Variants in UST observed in about 807,000 individuals in gnomAD.
UST encodes chondroitin sulfate 2-O-sulfotransferase.
A neutral mutation model predicts 45.6 loss-of-function variants in UST; 21 were observed. That is an observed-to-expected ratio of 0.46 (90% CI 0.33 to 0.66). UST has a LOEUF of 0.66. UST is among the 30% of genes least tolerant of loss of function. The pLI is 0.02. For synonymous variants in UST, 215 were observed against 200.6 expected (o/e 1.07, Z -0.61); for missense variants, 463 against 512.4 (o/e 0.90, Z 0.93).
At chr6:148,926,624 T>C (rs1779819185) in intron 2 of UST, among the ~76,000 whole-genome samples, 1 of 152,142 alleles carries the variant, frequency 6.6e-6, no homozygotes, top group South Asian at 2.1e-4. Flanking sequence ...GAGAATAGAA[T>C]GGAAAGTCAA....
rs11407927 is a variant in UST, at chr6:148,841,044, GA to G, written c.248-45929del. On this transcript the variant is annotated intron_variant, in intron 1 of 7. Transcript: ENST00000367463. The stretch of plus-strand genomic sequence containing the variant: ...CCAATGACCAAGAACATTTTGAAAT[GA>G]AAAAAAAAAAAACCCAACAAAAACA... Among the ~76,000 whole-genome samples, 468 of 138,606 alleles carry G rather than the reference GA, an allele frequency of 3.4e-3. 1 individual carries two copies. Among genetic ancestry groups the G allele is most frequent in the Admixed American group, 6.3e-3 (88 of 13,944 alleles). The allele number at this position is 138,606 out of a possible 152,430, so 90.9% of individuals were successfully genotyped here. A position where few individuals can be genotyped will look rare whatever the true frequency, so the allele number is the denominator to read the frequency against.
chr6:149,035,117 G>A (rs1186749732), intron 7 of UST, among the ~76,000 whole-genome samples: 1 of 151,912 alleles, frequency 6.6e-6, no homozygotes, highest in African/African-American at 2.4e-5. Flanking sequence ...CTTTCTATGC[G>A]CTTCGCTGTT....
chr6:148,759,784 C>T (rs932906486), intron 1 of UST, among the ~76,000 whole-genome samples: 1 of 136,084 alleles, frequency 7.3e-6, no homozygotes, highest in East Asian at 2.2e-4. Flanking sequence ...GGAGGTGGAG[C>T]TTGCAGTGAG....
At chr6:148,876,285 G>T (rs1184735422) in intron 1 of UST, among the ~76,000 whole-genome samples, 2 of 152,006 alleles carry the variant, frequency 1.3e-5, no homozygotes, top group Admixed American at 6.6e-5. Context: ...AAGCCAGGAG[G>T]GATCCACCCC....
chr6:148,980,645 T>C (rs1238254327), intron 5 of UST, among the ~76,000 whole-genome samples: 1 of 152,200 alleles, frequency 6.6e-6, no homozygotes, highest in Non-Finnish European at 1.5e-5. Flanking sequence ...TCTGACATCA[T>C]CTTTCAGAAA....
At chr6:148,901,319 T>A (rs1038261177) in intron 2 of UST, among the ~76,000 whole-genome samples, 4 of 152,112 alleles carry the variant, frequency 2.6e-5, no homozygotes, top group Non-Finnish European at 5.9e-5. Flanking sequence ...TCAAGATAGG[T>A]TAGGGTGATG....
Position 148,964,554 on chromosome 6 carries a change from G to A in UST, c.672G>A (p.Glu224=). ...GCACCCCCAGCATGAGGCAGGAGGA[G>A]CGCTACCTGGTAAGTCCTGTCGCAT... ...MIRTPSMRQE[E]RYLDINECIL... The change falls in exon 5 of 8, where the codon GAG becomes GAA. Residue 224 remains glutamate, a synonymous_variant. Transcript: ENST00000367463. 6.2e-7 allele frequency: 1 copy of A among 1,613,656 alleles called. No homozygotes were observed. Among genetic ancestry groups the A allele is most frequent in the South Asian group, 1.1e-5 (1 of 91,058 alleles).
chr6:148,827,227 T>G (rs1337828856), intron 1 of UST, among the ~76,000 whole-genome samples: 1 of 152,232 alleles, frequency 6.6e-6, no homozygotes, highest in Non-Finnish European at 1.5e-5. Context: ...ATAGATTTGC[T>G]AATTTAATTC....
chr6:148,916,902 G>C (rs946718124), intron 2 of UST, among the ~76,000 whole-genome samples: 2 of 152,212 alleles, frequency 1.3e-5, no homozygotes, highest in Non-Finnish European at 2.9e-5. Context: ...CTAACACAGA[G>C]GCAATTTCTT....
intron 5 of UST, among the ~76,000 whole-genome samples, chr6:148,987,848 C>A (rs190413170): frequency 2.2e-4 from 33 of 152,172 alleles, no homozygotes; most frequent in Non-Finnish European, 4.6e-4. Context: ...CATGTGCTTT[C>A]ATTCATCAGA....
intron 2 of UST, among the ~76,000 whole-genome samples, chr6:148,923,246 A>G (rs909000699): frequency 2.0e-5 from 3 of 152,226 alleles, no homozygotes; most frequent in Admixed American, 6.5e-5. Context: ...TAATGCTTCT[A>G]CGAATATTTC....
At chr6:148,791,252 C>T (rs936783080) in intron 1 of UST, among the ~76,000 whole-genome samples, 2 of 152,014 alleles carry the variant, frequency 1.3e-5, no homozygotes, top group Non-Finnish European at 2.9e-5. Flanking sequence ...TTATCTGGCC[C>T]CAAATGTCAG....
chr6:149,016,757 C>T (rs116013339), intron 5 of UST, among the ~76,000 whole-genome samples: 1,579 of 152,274 alleles, frequency 0.01, 38 homozygotes, highest in African/African-American at 0.037. Flanking sequence ...TTTGGATGTT[C>T]CCCATCACTT....
At chr6:148,957,253 T>C (rs1780533860) in intron 4 of UST, among the ~76,000 whole-genome samples, 1 of 152,240 alleles carries the variant, frequency 6.6e-6, no homozygotes, top group African/African-American at 2.4e-5. Context: ...CAGCCTTCCA[T>C]AAAAATGAAG....
At chr6:148,871,156 CTCTCTCTCTCTGTCCT>C (rs1304530357) in intron 1 of UST, among the ~76,000 whole-genome samples, 1 of 151,214 alleles carries the variant, frequency 6.6e-6, no homozygotes, top group African/African-American at 2.4e-5. Flanking sequence ...CCCTCTCTCC[CTCTCTCTCTCTGTCCT>C]TCTCTCTCTC....
chr6:148,865,484 T>G (rs571168656), intron 1 of UST, among the ~76,000 whole-genome samples: 12 of 152,302 alleles, frequency 7.9e-5, no homozygotes, highest in African/African-American at 2.9e-4. Context: ...TTTTTCTTTT[T>G]GGAAAAGTCA....
At chr6:148,973,927 T>C (rs770007958) in intron 5 of UST, among the ~76,000 whole-genome samples, 2 of 152,228 alleles carry the variant, frequency 1.3e-5, no homozygotes, top group South Asian at 4.1e-4. Flanking sequence ...TTCTAATAAA[T>C]GTAAATTGAA....
chr6:148,882,575 G>A lies in UST; in HGVS notation c.248-4411G>A, dbSNP rs149558312. Reference sequence around the variant, plus strand: ...TCTTCTACAGTGAAGGAATGGGGGAGGAGGAAGGTAGAAGGAGGGAAAAGA... The same window carrying A: ...TCTTCTACAGTGAAGGAATGGGGGAAGAGGAAGGTAGAAGGAGGGAAAAGA... On this transcript the variant is annotated intron_variant, in intron 1 of 7. Coordinates refer to ENST00000367463, the MANE Select transcript of UST (RefSeq NM_005715.3). Among the ~76,000 whole-genome samples, 496 of 151,748 alleles carry A rather than the reference G, an allele frequency of 3.3e-3. 5 individuals carry two copies. Among genetic ancestry groups the A allele is most frequent in the African/African-American group, 0.011 (471 of 41,322 alleles).
At chr6:148,894,544 C>T (rs1779082438) in intron 2 of UST, among the ~76,000 whole-genome samples, 2 of 152,100 alleles carry the variant, frequency 1.3e-5, no homozygotes, top group Admixed American at 6.5e-5. Flanking sequence ...AGCAGGTTCC[C>T]CCTCCAAACC....
Sources: allele counts gnomAD v4.1 joint callset (sites outside exome capture counted in the v4.1 genomes callset), GRCh38; gene constraint gnomAD v4.1.1; transcripts MANE v1.5; gene names NCBI Gene and HGNC (gene_info 2026-07-23, HGNC 2026-07-21).